The following ANK2 variants were observed in gnomAD, a reference collection of about 807,000 sequenced individuals.
The protein encoded by ANK2 is ankyrin-2.
ANK2 carries 83 observed loss-of-function variants against 360.5 expected under a neutral mutation model. That is an observed-to-expected ratio of 0.23 (90% CI 0.19 to 0.28). The LOEUF is 0.28. Ranked by LOEUF, ANK2 falls within the 10% of genes least tolerant of loss-of-function variation. The pLI is 1.00. For synonymous variants in ANK2, 1,740 were observed against 1,759.5 expected (o/e 0.99, Z 0.28); for missense variants, 4,201 against 4,795.7 (o/e 0.88, Z 3.66).
At chr4:112,972,202 CT>C (rs2039774861) in intron 2 of ANK2, among the ~76,000 whole-genome samples, 1 of 152,130 alleles carries the variant, frequency 6.6e-6, no homozygotes, top group Non-Finnish European at 1.5e-5. Context: ...TTTACTTTAA[CT>C]TCCAGGATAC....
intron 2 of ANK2, among the ~76,000 whole-genome samples, chr4:113,019,859 G>T (rs567150386): frequency 3.4e-4 from 49 of 144,970 alleles, no homozygotes; most frequent in Admixed American, 2.3e-3. Flanking sequence ...GTTTACATTG[G>T]TTTTTTTTTT....
intron 4 of ANK2, among the ~76,000 whole-genome samples, chr4:113,210,353 G>A (rs533273564): frequency 1.3e-5 from 2 of 152,248 alleles, no homozygotes; most frequent in African/African-American, 2.4e-5. Flanking sequence ...GAAAATTTGA[G>A]GCATATGTCA....
intron 4 of ANK2, among the ~76,000 whole-genome samples, chr4:113,218,565 A>G (rs1347067747): frequency 6.6e-6 from 1 of 152,120 alleles, no homozygotes; most frequent in Non-Finnish European, 1.5e-5. Context: ...TACTGCTACC[A>G]TCTATATTTA....
At chr4:113,360,783 A>G (rs371570259) in intron 38 of ANK2, 40 bp from the exon 39 acceptor site, 2 of 1,588,216 alleles carry the variant, frequency 1.3e-6, no homozygotes, top group African/African-American at 2.7e-5. Context: ...CTCTCCTGTC[A>G]TAGACAACCT....
chr4:113,371,010 A>G (rs1164648030), intron 43 of ANK2, among the ~76,000 whole-genome samples: 2 of 152,154 alleles, frequency 1.3e-5, no homozygotes, highest in Non-Finnish European at 2.9e-5. Context: ...AATTTAATAT[A>G]AATTAAATTA....
At chr4:113,034,064 C>T (rs977550729) in intron 2 of ANK2, 1 of 151,798 alleles carries the variant, frequency 6.6e-6, no homozygotes, top group African/African-American at 2.4e-5. Context: ...CTGGGAATTA[C>T]CTAAAAAGTT....
chr4:113,128,636 C>T (rs1199391854), intron 1 of ANK2, among the ~76,000 whole-genome samples: 1 of 152,052 alleles, frequency 6.6e-6, no homozygotes, highest in Non-Finnish European at 1.5e-5. Context: ...ATTACAGGCA[C>T]CTGCCACTAC....
At chr4:113,199,911 T>C (rs1236101082) in intron 4 of ANK2, among the ~76,000 whole-genome samples, 2 of 152,198 alleles carry the variant, frequency 1.3e-5, no homozygotes, top group African/African-American at 4.8e-5. Flanking sequence ...AAGGCCATTG[T>C]GTAGGAATAT....
the ANK2 span, among the ~76,000 whole-genome samples, chr4:112,750,458 G>T: frequency 6.6e-6 from 1 of 151,976 alleles, no homozygotes; most frequent in Non-Finnish European, 1.5e-5. Flanking sequence ...TGTTACACTT[G>T]CCTACAATAT....
At chr4:113,203,909 T>G (rs2098899013) in intron 4 of ANK2, among the ~76,000 whole-genome samples, 1 of 152,146 alleles carries the variant, frequency 6.6e-6, no homozygotes, top group Admixed American at 6.5e-5. Context: ...CAGGTCCAAA[T>G]AAGCTGATTT....
chr4:113,323,868 A>G, intron 26 of ANK2: 3 of 1,432,124 alleles, frequency 2.1e-6, no homozygotes, highest in Non-Finnish European at 2.9e-6. Context: ...CCTTCTGCAT[A>G]TTCCTTGCCT....
chr4:112,839,693 G>A (rs532076938), intron 1 of ANK2, among the ~76,000 whole-genome samples: 11 of 152,234 alleles, frequency 7.2e-5, no homozygotes, highest in Non-Finnish European at 1.3e-4. Context: ...ACAAGGAAGC[G>A]GCTTATTTTT....
At chr4:112,994,341 G>A (rs2047814553) in intron 2 of ANK2, among the ~76,000 whole-genome samples, 1 of 152,138 alleles carries the variant, frequency 6.6e-6, no homozygotes, top group African/African-American at 2.4e-5. Context: ...GGCACATATT[G>A]CAATAAATGG....
intron 1 of ANK2, chr4:113,117,237 T>G (rs2094896588): frequency 2.2e-6 from 1 of 453,154 alleles, no homozygotes; most frequent in Admixed American, 2.4e-5. Flanking sequence ...CCTGGATTGC[T>G]GGGGAGTGGA....
At chr4:113,271,688 G>T (rs2058602713) in intron 14 of ANK2, among the ~76,000 whole-genome samples, 1 of 152,186 alleles carries the variant, frequency 6.6e-6, no homozygotes, top group Admixed American at 6.5e-5. Flanking sequence ...CATATGTTTT[G>T]CCTATTCACA....
chr4:113,049,945 T>A, intron 1 of ANK2, 133 bp downstream of exon 1: 1 of 1,200,332 alleles, frequency 8.3e-7, no homozygotes, highest in Non-Finnish European at 1.2e-6. Context: ...TGCCAAGCCT[T>A]GCTTTTTAAA....
rs1262224136 is a variant in ANK2 at position 113,354,256 on chromosome 4, C to T, written c.5638C>T (p.Pro1880Ser). ...SSSSKTEKHS[P>S]VSPSTKTERH... ...ATCGAGTAAAACTGAGAAACACTCA[C>T]CTGTATCACCCTCGACAAAAACTGA... The change falls in exon 38 of 46, where the codon CCT becomes TCT. Residue 1880 changes from proline (P) to serine (S), a missense_variant. Pro to Ser is a moderately conservative substitution (Grantham distance 74). Transcript: ENST00000357077. 2.5e-6 allele frequency: 4 copies of T among 1,614,124 alleles called. No homozygotes were observed. The highest frequency in any genetic ancestry group is 3.3e-5 in the Admixed American group (2 of 60,014).
intron 4 of ANK2, among the ~76,000 whole-genome samples, chr4:113,199,797 C>T (rs2098803697): frequency 6.6e-6 from 1 of 152,142 alleles, no homozygotes; most frequent in South Asian, 2.1e-4. Context: ...AGGGTTTTCT[C>T]CTTTGCCTTT....
intron 2 of ANK2, among the ~76,000 whole-genome samples, chr4:112,933,705 G>A (rs556459378): frequency 2.0e-5 from 3 of 152,072 alleles, no homozygotes; most frequent in African/African-American, 7.2e-5. Context: ...TTGCCATGTT[G>A]GTCAGGCTGG....
Sources: allele counts gnomAD v4.1 joint callset (sites outside exome capture counted in the v4.1 genomes callset), GRCh38; gene constraint gnomAD v4.1.1; transcripts MANE v1.5; gene names NCBI Gene and HGNC (gene_info 2026-07-23, HGNC 2026-07-21).